Variants in MTCL1 observed in about 807,000 individuals in gnomAD.
MTCL1 encodes microtubule crosslinking factor 1.
A neutral mutation model predicts 141.4 loss-of-function variants in MTCL1; 79 were observed. That is an observed-to-expected ratio of 0.56 (90% confidence interval 0.47 to 0.67). The LOEUF (loss-of-function observed/expected upper bound fraction) is 0.67. Ranked by LOEUF, MTCL1 falls within the 30% of genes least tolerant of loss-of-function variation. The pLI, the probability that MTCL1 is intolerant of heterozygous loss-of-function variation, is 0.00. For synonymous variants in MTCL1, 914 were observed against 875.8 expected, an observed-to-expected ratio of 1.04 and a Z score of -0.77; for missense variants, 2,177 against 2,113.9, an observed-to-expected ratio of 1.03 and a Z score of -0.59.
At chr18:8,721,636 C>G (rs1339787668) in intron 4 of MTCL1, among the ~76,000 whole-genome samples, 1 of 152,144 alleles carries the variant, frequency 6.6e-6, no homozygotes, top group Non-Finnish European at 1.5e-5. Context: ...TCACTCAGCC[C>G]CTCCCCTCAA....
intron 4 of MTCL1, among the ~76,000 whole-genome samples, chr18:8,756,341 G>A (rs1205024117): frequency 6.8e-6 from 1 of 147,928 alleles, no homozygotes; most frequent in Non-Finnish European, 1.5e-5. Context: ...ATATGTGTGT[G>A]TATATATATG....
At chr18:8,760,220 C>G (rs7236750) in intron 4 of MTCL1, among the ~76,000 whole-genome samples, 1 of 152,144 alleles carries the variant, frequency 6.6e-6, no homozygotes, top group Admixed American at 6.5e-5. Flanking sequence ...GATGCAGTGC[C>G]GGGCTATGGA....
At chr18:8,783,908 G>A (rs909200057) in exon 6 of MTCL1, 3 of 1,613,436 alleles carry the variant, frequency 1.9e-6, no homozygotes, top group Non-Finnish European at 2.5e-6. Context: ...ACCCTTCGGT[G>A]ACTCCCTGGA....
At chr18:8,725,790 CTTTTTTTTTTT>C (rs796484848) in intron 4 of MTCL1, among the ~76,000 whole-genome samples, 1 of 61,070 alleles carries the variant, frequency 1.6e-5, no homozygotes, top group Non-Finnish European at 2.8e-5. Context: ...TTTTTTTTTT[CTTTTTTTTTTT>C]TTTTTTGAGA....
chr18:8,709,711 C>T (rs779923066), intron 1 of MTCL1, among the ~76,000 whole-genome samples: 4 of 152,166 alleles, frequency 2.6e-5, no homozygotes, highest in Non-Finnish European at 4.4e-5. Context: ...AGTTTCTGAA[C>T]TAGAATGACC....
intron 4 of MTCL1, among the ~76,000 whole-genome samples, chr18:8,721,008 A>T (rs972594356): frequency 6.6e-6 from 1 of 150,852 alleles, no homozygotes; most frequent in Admixed American, 7.1e-5. Context: ...CCACCTGTGT[A>T]GCTAAAATGA....
rs923241450 is a variant in MTCL1 at position 8,822,586 on chromosome 18, C to T, written c.3188+1088C>T. Reference sequence around the variant, plus strand: ...GATTACAGGCGTGAGCCACTGTGCCCAGCCCAAACTGCCTGGGTTTGAATC... The same window carrying T: ...GATTACAGGCGTGAGCCACTGTGCCTAGCCCAAACTGCCTGGGTTTGAATC... On this transcript the variant is annotated intron_variant, in intron 14 of 16. Transcript: ENST00000359865. This position sits in a 1 kb window ranked among gnomAD's most constrained non-coding sequence, Gnocchi z 4.6. Among the ~76,000 whole-genome samples, 12 of 151,830 alleles carry T rather than the reference C, an allele frequency of 7.9e-5. No individual in the cohort carries two copies. The highest frequency in any genetic ancestry group is 2.7e-4 in the African/African-American group (11 of 41,380).
intron 4 of MTCL1, among the ~76,000 whole-genome samples, chr18:8,727,126 A>G (rs2096220818): frequency 6.6e-6 from 1 of 152,206 alleles, no homozygotes; most frequent in African/African-American, 2.4e-5. Flanking sequence ...TGCGAAAGAC[A>G]GGGTTTCATT....
intron 4 of MTCL1, among the ~76,000 whole-genome samples, chr18:8,773,793 C>T (rs575520234): frequency 7.9e-5 from 12 of 152,294 alleles, no homozygotes; most frequent in African/African-American, 2.6e-4. Context: ...CCTTTCCTCA[C>T]TAGTTCAAAA....
chr18:8,726,216 C>G (rs1040594761), intron 4 of MTCL1, among the ~76,000 whole-genome samples: 10 of 149,534 alleles, frequency 6.7e-5, no homozygotes, highest in Middle Eastern at 3.2e-3. Flanking sequence ...TCTTTTTTAT[C>G]TGCTTTCATC....
rs1299354385 is a variant in MTCL1 at position 8,798,090 on chromosome 18, G to T, written c.2242-7G>T. 7 of 1,575,080 alleles carry T rather than the reference G, an allele frequency of 4.4e-6. No individual in the cohort carries two copies. Among genetic ancestry groups the T allele is most frequent in the Non-Finnish European group, 6.0e-6 (7 of 1,166,094 alleles). ...AAGCTGTGATCGTCACCTCCTGCCTGTTTCAGGGTGAACATCCAGAGACCC... is the reference window on the plus strand; with the variant it reads ...AAGCTGTGATCGTCACCTCCTGCCTTTTTCAGGGTGAACATCCAGAGACCC... On this transcript the variant is annotated splice_polypyrimidine_tract_variant and splice_region_variant and intron_variant, in intron 9 of 16. Transcript: ENST00000359865.
intron 10 of MTCL1, among the ~76,000 whole-genome samples, chr18:8,799,802 A>G (rs187153177): frequency 6.6e-6 from 1 of 152,380 alleles, no homozygotes; most frequent in African/African-American, 2.4e-5. Context: ...ACAGTCATAG[A>G]AAATGTTACT....
intron 14 of MTCL1, 134 bp downstream of exon 13, chr18:8,821,632 G>A (rs1032213408): frequency 3.3e-5 from 17 of 509,496 alleles, no homozygotes; most frequent in African/African-American, 3.0e-4. Context: ...TGAAGAAGTG[G>A]CTGCTTTATT....
intron 4 of MTCL1, among the ~76,000 whole-genome samples, chr18:8,761,898 A>G (rs1274044418): frequency 6.6e-6 from 1 of 152,222 alleles, no homozygotes; most frequent in East Asian, 1.9e-4. Context: ...TTGGGTGGGG[A>G]CACAGCCAAA....
chr18:8,754,095 C>T (rs1465694407), intron 4 of MTCL1, among the ~76,000 whole-genome samples: 1 of 152,068 alleles, frequency 6.6e-6, no homozygotes, highest in Admixed American at 6.6e-5. Context: ...TTTTGAGACA[C>T]GGTCTTGTTC....
chr18:8,831,504 T>G, intron 16 of MTCL1, 103 bp from the exon 15 acceptor site: 1 of 1,488,108 alleles, frequency 6.7e-7, no homozygotes, highest in Non-Finnish European at 9.0e-7. Context: ...CTGTGGTGTA[T>G]ACTTCATCTC....
chr18:8,782,090 A>G (rs1237205020), intron 5 of MTCL1: 1 of 152,352 alleles, frequency 6.6e-6, no homozygotes, highest in Non-Finnish European at 1.5e-5. Flanking sequence ...TTTCTGCCAA[A>G]TGATGAGTGT....
chr18:8,726,422 C>T (rs1425835483), intron 4 of MTCL1, among the ~76,000 whole-genome samples: 2 of 148,464 alleles, frequency 1.3e-5, no homozygotes, highest in South Asian at 2.1e-4. Context: ...CAGATAGCTG[C>T]CTTCTTGCTG....
At chr18:8,796,273 G>A (rs753131780) in exon 9 of MTCL1, 1 of 1,614,138 alleles carries the variant, frequency 6.2e-7, no homozygotes, top group South Asian at 1.1e-5. Context: ...GGAAAGAACT[G>A]GAAATGCACA....
Sources: allele counts gnomAD v4.1 joint callset (sites outside exome capture counted in the v4.1 genomes callset), GRCh38; gene constraint gnomAD v4.1.1; non-coding constraint Gnocchi (gnomAD v3.1); transcripts MANE v1.5; gene names NCBI Gene and HGNC (gene_info 2026-07-23, HGNC 2026-07-21).